The following GALNTL6 variants were observed in gnomAD, a reference collection of about 807,000 sequenced individuals.
GALNTL6 encodes the protein polypeptide N-acetylgalactosaminyltransferase like 6, also known as polypeptide N-acetylgalactosaminyltransferase-like 6.
A neutral mutation model predicts 73.7 loss-of-function variants in GALNTL6; 46 were observed. The observed-to-expected ratio is 0.62, with a 90% confidence interval of 0.49 to 0.80. GALNTL6 has a LOEUF of 0.80. GALNTL6 is among the 30% of genes least tolerant of loss of function. GALNTL6 has a pLI of 0.00. For synonymous variants in GALNTL6, 259 were observed against 263.7 expected (o/e 0.98, Z 0.17); for missense variants, 604 against 755.0 (o/e 0.80, Z 2.34).
Position 172,760,570 on chromosome 4 carries a change from T to C in GALNTL6, c.554-48791T>C, listed in dbSNP as rs17058853. ...GAGTTGTTTTTCACTCTTAAGAACA[T>C]TGATGCCCTGCTTCTCTACAACTGC... On this transcript the variant is annotated intron_variant, in intron 5 of 12. Coordinates refer to ENST00000506823, the MANE Select transcript of GALNTL6 (RefSeq NM_001034845.3). Among the ~76,000 whole-genome samples the C allele has an allele frequency of 4.4e-3, 676 of 152,102 alleles. 5 individuals are homozygous for C. Among genetic ancestry groups the C allele is most frequent in the African/African-American group, 0.015 (643 of 41,516 alleles).
intron 2 of GALNTL6, among the ~76,000 whole-genome samples, chr4:172,186,194 C>G (rs1735410283): frequency 1.3e-5 from 2 of 152,080 alleles, no homozygotes; most frequent in African/African-American, 2.4e-5. Flanking sequence ...TGAAAAGATG[C>G]TCAACATATT....
chr4:172,080,499 T>G (rs1731847172), intron 2 of GALNTL6, among the ~76,000 whole-genome samples: 2 of 152,182 alleles, frequency 1.3e-5, no homozygotes, highest in African/African-American at 2.4e-5. Flanking sequence ...GGTTTACATA[T>G]ATATGTATGT....
intron 5 of GALNTL6, among the ~76,000 whole-genome samples, chr4:172,766,612 G>A (rs535560940): frequency 6.6e-6 from 1 of 152,190 alleles, no homozygotes; most frequent in African/African-American, 2.4e-5. Context: ...TTAAATAATT[G>A]TCTAGATACA....
intron 2 of GALNTL6, among the ~76,000 whole-genome samples, chr4:172,205,721 C>T (rs983446230): frequency 1.3e-5 from 2 of 152,206 alleles, no homozygotes; most frequent in East Asian, 3.8e-4. Context: ...TCCATAATCT[C>T]TTCCTATTTC....
chr4:172,106,703 G>T (rs1211849304), intron 2 of GALNTL6, among the ~76,000 whole-genome samples: 1 of 152,098 alleles, frequency 6.6e-6, no homozygotes, highest in African/African-American at 2.4e-5. Flanking sequence ...GAGCAGTACA[G>T]TTAAATATAT....
At chr4:172,620,271 T>C (rs908875031) in intron 5 of GALNTL6, among the ~76,000 whole-genome samples, 3 of 150,600 alleles carry the variant, frequency 2.0e-5, no homozygotes, top group Non-Finnish European at 3.0e-5. Flanking sequence ...TGCAGAATTA[T>C]TCATGAACGT....
intron 3 of GALNTL6, among the ~76,000 whole-genome samples, chr4:172,305,275 A>G (rs946156747): frequency 5.4e-4 from 82 of 152,314 alleles, no homozygotes; most frequent in African/African-American, 1.9e-3. Context: ...AGTATCTACT[A>G]TCTGCCTTAA....
Position 171,849,867 on chromosome 4 carries a change from A to T in GALNTL6, c.138+35149A>T, listed in dbSNP as rs1735471963. Among the ~76,000 whole-genome samples, 2 of 152,208 alleles carry T rather than the reference A, an allele frequency of 1.3e-5. 1 individual carries two copies. Among genetic ancestry groups the T allele is most frequent in the South Asian group, 4.1e-4 (2 of 4,836 alleles). On this transcript the variant is annotated intron_variant, in intron 2 of 12. Transcript: ENST00000506823. ...CAGGTTGGCTAACCATACAAATTTA[A>T]CTGGTTATGAGACAAGCTATGAATA...
intron 11 of GALNTL6, among the ~76,000 whole-genome samples, chr4:173,014,553 G>A (rs561361908): frequency 6.6e-6 from 1 of 152,168 alleles, no homozygotes; most frequent in Non-Finnish European, 1.5e-5. Flanking sequence ...GTGCATCCAG[G>A]GGACAGATTT....
intron 5 of GALNTL6, among the ~76,000 whole-genome samples, chr4:172,633,924 T>C (rs531197631): frequency 1.3e-5 from 2 of 152,342 alleles, no homozygotes; most frequent in East Asian, 3.9e-4. Flanking sequence ...GTAACTTTGC[T>C]CATCATTCGC....
intron 3 of GALNTL6, among the ~76,000 whole-genome samples, chr4:172,230,777 C>T (rs1032494994): frequency 5.3e-5 from 8 of 152,132 alleles, no homozygotes; most frequent in African/African-American, 1.7e-4. Context: ...AGAAATGGAG[C>T]AGCTACAGTT....
In GALNTL6 at chr4:172,840,808, C is replaced by T. The variant is rs183609482; in HGVS notation, c.923+27085C>T. Among the ~76,000 whole-genome samples the T allele has an allele frequency of 2.0e-5, 3 of 152,318 alleles. No homozygotes were observed. In the East Asian group the frequency reaches 5.8e-4, roughly 29 times the overall value. On this transcript the variant is annotated intron_variant, in intron 7 of 12. Coordinates refer to ENST00000506823, the MANE Select transcript of GALNTL6 (RefSeq NM_001034845.3). Reference sequence around the variant, plus strand: ...GTCCTTCAATCAGGACTTGCTACCCCAGCTGCTGGGAGGCTGGAAGTGGAT... The same window carrying T: ...GTCCTTCAATCAGGACTTGCTACCCTAGCTGCTGGGAGGCTGGAAGTGGAT...
chr4:172,318,573 G>A (rs1740648191), intron 4 of GALNTL6, among the ~76,000 whole-genome samples: 1 of 151,872 alleles, frequency 6.6e-6, no homozygotes, highest in Non-Finnish European at 1.5e-5. Context: ...GTGGTGGTGG[G>A]CGCCTGTAAT....
rs1208839659 is a variant in GALNTL6, at chr4:172,301,384, C to T, written c.248-10230C>T. On this transcript the variant is annotated intron_variant, in intron 3 of 12. Coordinates refer to ENST00000506823, the MANE Select transcript of GALNTL6 (RefSeq NM_001034845.3). ...CTCTCAACTCGTCAAAGTCATTTGC[C>T]GTCCAGCTTTGTTCCATTGCTCGTG... 4.6e-5 allele frequency among the ~76,000 whole-genome samples: 7 copies of T among 152,286 alleles called. 1 individual carries two copies. The highest frequency in any genetic ancestry group is 4.1e-4 in the South Asian group (2 of 4,826).
intron 5 of GALNTL6, among the ~76,000 whole-genome samples, chr4:172,630,081 G>A (rs1189990785): frequency 6.6e-6 from 1 of 152,112 alleles, no homozygotes; most frequent in Admixed American, 6.5e-5. Flanking sequence ...TTTCATCACT[G>A]AGATTTTCCC....
intron 5 of GALNTL6, among the ~76,000 whole-genome samples, chr4:172,653,826 A>G (rs536770624): frequency 6.6e-6 from 1 of 152,336 alleles, no homozygotes; most frequent in South Asian, 2.1e-4. Context: ...TCACTAGACC[A>G]TGTGCTTTTT....
At chr4:171,846,418 C>T (rs1229030163) in intron 2 of GALNTL6, among the ~76,000 whole-genome samples, 1 of 152,078 alleles carries the variant, frequency 6.6e-6, no homozygotes, top group African/African-American at 2.4e-5. Flanking sequence ...ACAACCATGG[C>T]CAGAGGAGGT....
chr4:172,322,641 G>C (rs1212389377), intron 4 of GALNTL6, among the ~76,000 whole-genome samples: 1 of 152,116 alleles, frequency 6.6e-6, no homozygotes, highest in East Asian at 1.9e-4. Context: ...GAGAGAGCGT[G>C]AAGGTGGAGG....
chr4:173,002,434 A>G (rs1315683641), intron 10 of GALNTL6, among the ~76,000 whole-genome samples: 5 of 151,970 alleles, frequency 3.3e-5, no homozygotes, highest in African/African-American at 1.2e-4. Flanking sequence ...GTATCCATCA[A>G]TAGATGAATG....
Sources: allele counts gnomAD v4.1 joint callset (sites outside exome capture counted in the v4.1 genomes callset), GRCh38; gene constraint gnomAD v4.1.1; transcripts MANE v1.5; gene names NCBI Gene and HGNC (gene_info 2026-07-23, HGNC 2026-07-21).